The following PPP2R2C variants were observed in gnomAD, a reference collection of about 807,000 sequenced individuals.
PPP2R2C encodes protein phosphatase 2, regulatory subunit B, gamma.
In PPP2R2C, 10 loss-of-function variants were observed where a neutral mutation model predicts 45.3. The ratio of observed to expected loss-of-function variants is 0.22; its 90% CI spans 0.14 to 0.37. PPP2R2C has a LOEUF of 0.37. Among genes scored for constraint, PPP2R2C ranks in the 10% least tolerant of loss-of-function variants. The pLI is 1.00. For synonymous variants in PPP2R2C, 257 were observed against 245.4 expected (o/e 1.05, Z -0.44); for missense variants, 308 against 619.7 (o/e 0.50, Z 5.34).
At chr4:6,447,816 CT>C (rs1234821032) in intron 1 of PPP2R2C, among the ~76,000 whole-genome samples, 1 of 152,198 alleles carries the variant, frequency 6.6e-6, no homozygotes, top group African/African-American at 2.4e-5. Context: ...CGTGCCTCAG[CT>C]ACGGCTGGAG....
At chr4:6,533,217 A>G (rs1724465750) in intron 2 of PPP2R2C, among the ~76,000 whole-genome samples, 1 of 152,222 alleles carries the variant, frequency 6.6e-6, no homozygotes, top group Non-Finnish European at 1.5e-5. Flanking sequence ...GACCCAGAAG[A>G]GAACATGGCA....
chr4:6,421,014 G>C, intron 1 of PPP2R2C: 3 of 985,226 alleles, frequency 3.0e-6, no homozygotes, highest in Non-Finnish European at 3.6e-6. Flanking sequence ...GCCTGAGGAG[G>C]GCTTCGTGGA....
chr4:6,366,753 C>T (rs1163880789), intron 5 of PPP2R2C, among the ~76,000 whole-genome samples: 1 of 152,172 alleles, frequency 6.6e-6, no homozygotes, highest in Non-Finnish European at 1.5e-5. Flanking sequence ...GGCAGTGCTC[C>T]ACCCCACCCT....
At chr4:6,462,900 A>G (rs1253073889) in intron 1 of PPP2R2C, among the ~76,000 whole-genome samples, 2 of 152,180 alleles carry the variant, frequency 1.3e-5, no homozygotes, top group African/African-American at 4.8e-5. Context: ...CTATTTTCTC[A>G]CAAATGCAAA....
At chr4:6,479,011 G>A (rs74846624) in intron 2 of PPP2R2C, among the ~76,000 whole-genome samples, 1,594 of 152,322 alleles carry the variant, frequency 0.01, 32 homozygotes, top group African/African-American at 0.036. Context: ...ACATGGCCAC[G>A]TGACCTCAGC....
At chr4:6,528,698 T>C (rs1262852610) in intron 2 of PPP2R2C, among the ~76,000 whole-genome samples, 1 of 152,176 alleles carries the variant, frequency 6.6e-6, no homozygotes, top group Non-Finnish European at 1.5e-5. Context: ...ACTGATGACA[T>C]TCCACCACAA....
chr4:6,489,212 C>T (rs986698476), intron 2 of PPP2R2C, among the ~76,000 whole-genome samples: 3 of 152,214 alleles, frequency 2.0e-5, no homozygotes, highest in African/African-American at 7.2e-5. Flanking sequence ...GTTTATTTCC[C>T]ATCATTCAAT....
At chr4:6,403,901 C>T (rs1158391476) in intron 1 of PPP2R2C, among the ~76,000 whole-genome samples, 1 of 151,926 alleles carries the variant, frequency 6.6e-6, no homozygotes, top group Non-Finnish European at 1.5e-5. Flanking sequence ...TCCCCTCCTG[C>T]CTGACAGGGA....
chr4:6,456,294 G>A (rs1328199478), intron 1 of PPP2R2C, among the ~76,000 whole-genome samples: 1 of 108,452 alleles, frequency 9.2e-6, no homozygotes, highest in African/African-American at 4.0e-5. Context: ...GTAGTGAAAT[G>A]AAGGATGTTA....
At chr4:6,384,471 A>G (rs1014687536) in intron 1 of PPP2R2C, 7 of 982,710 alleles carry the variant, frequency 7.1e-6, no homozygotes, top group South Asian at 4.7e-5. Context: ...GATTTTCTAT[A>G]ATGAAGTTAC....
In PPP2R2C at chr4:6,471,272, C is replaced by T. The variant is rs987766252; in HGVS notation, c.70+888G>A. ...GGGCTCCAGCACAGGCGGCCCCGAG[C>T]CCAGACCTCCCGGTCCCCATCCTCC... On this transcript the variant is annotated intron_variant, in intron 1 of 8. Coordinates refer to ENST00000382599, the MANE Select transcript of PPP2R2C (RefSeq NM_020416.4). The surrounding 1 kb of genome is among the most constrained non-coding windows in gnomAD (Gnocchi z 5.6). Among the ~76,000 whole-genome samples the T allele has an allele frequency of 9.2e-5, 14 of 152,156 alleles. No homozygotes were observed. Among genetic ancestry groups the T allele is most frequent in the African/African-American group, 2.9e-4 (12 of 41,450 alleles).
At chr4:6,367,957 A>T (rs1475521092) in intron 5 of PPP2R2C, among the ~76,000 whole-genome samples, 1 of 152,278 alleles carries the variant, frequency 6.6e-6, no homozygotes, top group Admixed American at 6.5e-5. Context: ...TGCTATAGAC[A>T]CACACTCCTC....
In PPP2R2C at chr4:6,367,573, C is replaced by T. The variant is rs151069510; in HGVS notation, c.625+4950G>A. Among the ~76,000 whole-genome samples the T allele has an allele frequency of 1.6e-3, 239 of 152,330 alleles. 1 individual carries two copies. Among genetic ancestry groups the T allele is most frequent in the Admixed American group, 2.8e-3 (43 of 15,300 alleles). ...AAACATTCAGAGCAATTCCCAGCTCCGCATGGGGTCTCAGCTGCCTTTCTG... is the reference window on the plus strand; with the variant it reads ...AAACATTCAGAGCAATTCCCAGCTCTGCATGGGGTCTCAGCTGCCTTTCTG... On this transcript the variant is annotated intron_variant, in intron 5 of 8. Transcript: ENST00000382599.
intron 2 of PPP2R2C, among the ~76,000 whole-genome samples, chr4:6,511,714 ATGGTGG>A (rs746210761): frequency 9.7e-4 from 14 of 14,498 alleles, no homozygotes; most frequent in Non-Finnish European, 1.1e-3. Context: ...GGTGGAGGTG[ATGGTGG>A]TGATGGTGGT....
At chr4:6,410,269 C>G (rs1718075505) in intron 1 of PPP2R2C, among the ~76,000 whole-genome samples, 1 of 152,176 alleles carries the variant, frequency 6.6e-6, no homozygotes, top group Non-Finnish European at 1.5e-5. Context: ...CACACAGAGC[C>G]TAATGAAGCG....
chr4:6,439,953 T>C (rs938842557), intron 1 of PPP2R2C, among the ~76,000 whole-genome samples: 1 of 152,172 alleles, frequency 6.6e-6, no homozygotes, highest in Non-Finnish European at 1.5e-5. Flanking sequence ...TTCACTTCAC[T>C]GCGTAGAAAA....
At chr4:6,474,946 C>T (rs1022663598), upstream of PPP2R2C, among the ~76,000 whole-genome samples, 1 of 152,168 alleles carries the variant, frequency 6.6e-6, no homozygotes, top group Non-Finnish European at 1.5e-5. Flanking sequence ...TCCTGCCACC[C>T]CCAGCCTCTC....
intron 1 of PPP2R2C, chr4:6,383,374 C>G (rs767864604): frequency 9.8e-5 from 126 of 1,289,680 alleles, no homozygotes; most frequent in Non-Finnish European, 1.2e-4. Context: ...CACGGGGTCT[C>G]GTGTTTTTAA....
At chr4:6,515,450 T>A (rs976539445) in intron 2 of PPP2R2C, among the ~76,000 whole-genome samples, 1 of 152,178 alleles carries the variant, frequency 6.6e-6, no homozygotes, top group Admixed American at 6.5e-5. Context: ...GGGGTTTGGA[T>A]CTCAACTCAG....
Sources: allele counts gnomAD v4.1 joint callset (sites outside exome capture counted in the v4.1 genomes callset), GRCh38; gene constraint gnomAD v4.1.1; non-coding constraint Gnocchi (gnomAD v3.1); transcripts MANE v1.5; gene names NCBI Gene and HGNC (gene_info 2026-07-23, HGNC 2026-07-21).